Variants in SLC35F3 observed in about 807,000 individuals in gnomAD.
SLC35F3 encodes the protein solute carrier family 35 member F3, also known as putative thiamine transporter SLC35F3.
A neutral mutation model predicts 49.9 loss-of-function variants in SLC35F3; 25 were observed. The ratio of observed to expected loss-of-function variants is 0.50; its 90% CI spans 0.37 to 0.70. The LOEUF (loss-of-function observed/expected upper bound fraction) is 0.70, where lower values mean the gene tolerates loss of function less well. Among genes scored for constraint, SLC35F3 ranks in the 30% least tolerant of loss-of-function variants. The pLI is 0.00. For synonymous variants in SLC35F3, 275 were observed against 265.4 expected (o/e 1.04, Z -0.35); for missense variants, 525 against 639.8 (o/e 0.82, Z 1.94).
intron 3 of SLC35F3, among the ~76,000 whole-genome samples, chr1:234,256,899 G>A (rs984258866): frequency 4.6e-5 from 7 of 152,208 alleles, no homozygotes; most frequent in Non-Finnish European, 7.3e-5. Flanking sequence ...CAGAGGCTAC[G>A]CTTCTCAGCC....
chr1:234,267,500 G>A (rs1668006643), intron 3 of SLC35F3, among the ~76,000 whole-genome samples: 1 of 147,670 alleles, frequency 6.8e-6, no homozygotes, highest in Non-Finnish European at 1.5e-5. Flanking sequence ...GGCTGGCCGG[G>A]CGGGGGGCTG....
At chr1:234,225,412 G>A (rs970590668) in intron 2 of SLC35F3, among the ~76,000 whole-genome samples, 2 of 152,130 alleles carry the variant, frequency 1.3e-5, no homozygotes, top group Non-Finnish European at 2.9e-5. Flanking sequence ...TCAATAAATG[G>A]GAAAGTTTTC....
intron 2 of SLC35F3, among the ~76,000 whole-genome samples, chr1:234,095,502 C>T (rs755486353): frequency 2.8e-4 from 42 of 152,276 alleles, no homozygotes; most frequent in Non-Finnish European, 4.6e-4. Context: ...GTGACTGGAG[C>T]CATGTTATTC....
At chr1:234,249,251 A>T (rs1310915295) in intron 3 of SLC35F3, among the ~76,000 whole-genome samples, 1 of 152,136 alleles carries the variant, frequency 6.6e-6, no homozygotes, top group Non-Finnish European at 1.5e-5. Flanking sequence ...ATACTGTCAT[A>T]TTCTTCTGCT....
At chr1:233,923,327 G>A (rs1439590662) in intron 2 of SLC35F3, among the ~76,000 whole-genome samples, 1 of 152,112 alleles carries the variant, frequency 6.6e-6, no homozygotes, top group African/African-American at 2.4e-5. Flanking sequence ...ATTTCATTGA[G>A]CAGTGCTTTG....
At chr1:234,070,765 G>A (rs1664701336) in intron 2 of SLC35F3, among the ~76,000 whole-genome samples, 2 of 146,018 alleles carry the variant, frequency 1.4e-5, no homozygotes, top group South Asian at 4.3e-4. Context: ...GTTTTTTTTT[G>A]TAAGGTTATA....
chr1:234,248,805 G>C (rs765934271), intron 3 of SLC35F3, among the ~76,000 whole-genome samples: 1 of 152,124 alleles, frequency 6.6e-6, no homozygotes, highest in Non-Finnish European at 1.5e-5. Context: ...GTTCCTTGTT[G>C]CCACTTAGGT....
chr1:234,005,468 C>G (rs961605266), intron 2 of SLC35F3, among the ~76,000 whole-genome samples: 3 of 152,050 alleles, frequency 2.0e-5, no homozygotes, highest in Admixed American at 6.6e-5. Flanking sequence ...TGTTAATTCA[C>G]CAGGTGAAAT....
In SLC35F3 at chr1:234,036,808, T is replaced by C. The variant is rs575527846; in HGVS notation, c.283+131050T>C. Among the ~76,000 whole-genome samples the C allele has an allele frequency of 1.2e-4, 18 of 152,360 alleles. No individual in the cohort carries two copies. The South Asian group carries it at 3.7e-3, about 32-fold the overall frequency. Reference sequence around the variant, plus strand: ...AAAGGTATTCACTGCCATCAATTTCTGAGCCTTCTTGGGGTTTTGTAGTAT... The same window carrying C: ...AAAGGTATTCACTGCCATCAATTTCCGAGCCTTCTTGGGGTTTTGTAGTAT... On this transcript the variant is annotated intron_variant, in intron 2 of 7. Coordinates refer to ENST00000366618, the MANE Select transcript of SLC35F3 (RefSeq NM_173508.4).
At chr1:233,918,328 G>A (rs1434844598) in intron 2 of SLC35F3, among the ~76,000 whole-genome samples, 1 of 152,198 alleles carries the variant, frequency 6.6e-6, no homozygotes, top group Admixed American at 6.5e-5. Context: ...AGATGGCTGT[G>A]TGTGATAACA....
intron 3 of SLC35F3, chr1:234,268,796 G>A (rs1010445597): frequency 5.9e-5 from 9 of 152,092 alleles, no homozygotes; most frequent in African/African-American, 2.2e-4. Flanking sequence ...AGTGGACTTC[G>A]GCAGTAGACT....
At chr1:234,145,528 T>A (rs554021463) in intron 2 of SLC35F3, among the ~76,000 whole-genome samples, 1 of 152,202 alleles carries the variant, frequency 6.6e-6, no homozygotes, top group Non-Finnish European at 1.5e-5. Context: ...CAGTACTCCA[T>A]ATCCATGAGC....
At chr1:234,094,662 C>A (rs549565558) in intron 2 of SLC35F3, among the ~76,000 whole-genome samples, 1 of 152,320 alleles carries the variant, frequency 6.6e-6, no homozygotes, top group South Asian at 2.1e-4. Flanking sequence ...TTTCCAAACC[C>A]CTCTCTATCT....
At chr1:234,189,515 C>CAA (rs74839155) in intron 2 of SLC35F3, among the ~76,000 whole-genome samples, 2 of 117,362 alleles carry the variant, frequency 1.7e-5, no homozygotes, top group African/African-American at 5.8e-5. Flanking sequence ...CCAACACAGA[C>CAA]AAAAAAAAAA....
intron 2 of SLC35F3, among the ~76,000 whole-genome samples, chr1:233,927,577 G>A (rs1234524583): frequency 6.6e-6 from 1 of 152,066 alleles, no homozygotes; most frequent in Admixed American, 6.6e-5. Flanking sequence ...GAACTTGTGA[G>A]ATGTTTACAT....
At chr1:234,220,102 A>G (rs759799175) in intron 2 of SLC35F3, among the ~76,000 whole-genome samples, 1 of 152,328 alleles carries the variant, frequency 6.6e-6, no homozygotes, top group African/African-American at 2.4e-5. Context: ...GCCAGAGAAG[A>G]GAAGAAAACA....
intron 6 of SLC35F3, among the ~76,000 whole-genome samples, chr1:234,319,638 C>T (rs1054322246): frequency 4.6e-5 from 7 of 152,146 alleles, no homozygotes; most frequent in Admixed American, 2.6e-4. Context: ...GGGATTGAGG[C>T]TGCAGTGAGC....
At position 234,214,183 on chromosome 1, in the gene SLC35F3, G is replaced by T. The variant is rs1445414050; in HGVS notation, c.284-17234G>T. 67 of 1,101,550 alleles carry T rather than the reference G, an allele frequency of 6.1e-5. No homozygotes were observed. The highest frequency in any genetic ancestry group is 7.4e-5 in the Non-Finnish European group (67 of 905,110). The allele number at this position is 1,101,550 out of a possible 1,614,324, so 68.2% of individuals were successfully genotyped here. ...GAGGAGGGCGGAGCAGGTGAGCTGC[G>T]GGGTGGGAGCAGGGAGTGCACTTGT... On this transcript the variant is annotated intron_variant, in intron 2 of 7. Coordinates refer to ENST00000366618, the MANE Select transcript of SLC35F3 (RefSeq NM_173508.4). The surrounding 1 kb of genome is among the most constrained non-coding windows in gnomAD (Gnocchi z 8.0).
At chr1:233,939,589 A>G (rs1228464292) in intron 2 of SLC35F3, among the ~76,000 whole-genome samples, 1 of 152,218 alleles carries the variant, frequency 6.6e-6, no homozygotes, top group Non-Finnish European at 1.5e-5. Flanking sequence ...ATCTCAGCTT[A>G]TATTAGAGCT....
Sources: gnomAD v4.1 joint callset for allele counts (sites outside exome capture counted in the v4.1 genomes callset) on GRCh38, gnomAD v4.1.1 for gene constraint, Gnocchi (gnomAD v3.1) non-coding constraint, MANE v1.5 for transcripts, NCBI Gene and HGNC (gene_info 2026-07-23, HGNC 2026-07-21) for gene names.